GPC3: variants seen among roughly 807,000 people sequenced by gnomAD.
GPC3 encodes glypican 3.
A neutral mutation model predicts 34.4 loss-of-function variants in GPC3; 3 were observed. The observed-to-expected ratio is 0.09, with a 90% confidence interval of 0.04 to 0.23. The LOEUF is 0.23. Ranked by LOEUF, GPC3 falls within the 10% of genes least tolerant of loss-of-function variation. The pLI, the probability that GPC3 is intolerant of heterozygous loss-of-function variation, is 1.00. For missense variants in GPC3, 351 were observed against 445.6 expected (o/e 0.79, Z 1.91); for synonymous variants, 177 against 174.0 (o/e 1.02, Z -0.13).
intron 6 of GPC3, among the ~76,000 whole-genome samples, chrX:133,608,618 C>G (rs1406702962): frequency 8.9e-6 from 1 of 112,014 alleles, no homozygotes; most frequent in Non-Finnish European, 1.9e-5. Context: ...GTATGAACCA[C>G]AGCAGCCATG....
chrX:133,949,044 G>A (rs1322175488), intron 2 of GPC3, among the ~76,000 whole-genome samples: 1 of 111,921 alleles, frequency 8.9e-6, no homozygotes, highest in African/African-American at 3.2e-5. Flanking sequence ...AAGCAGGACT[G>A]CAATTTTTAT....
chrX:133,710,331 T>C (rs1276030921), intron 3 of GPC3, among the ~76,000 whole-genome samples: 1 of 111,991 alleles, frequency 8.9e-6, no homozygotes, highest in African/African-American at 3.2e-5. Flanking sequence ...AGACAAGTCA[T>C]TTACTTTCCT....
At chrX:133,857,641 T>C (rs2075910652) in intron 2 of GPC3, among the ~76,000 whole-genome samples, 1 of 111,497 alleles carries the variant, frequency 9.0e-6, no homozygotes, top group Non-Finnish European at 1.9e-5. Flanking sequence ...GTCTCAAAGG[T>C]CTGAATGATA....
chrX:133,901,627 G>T (rs1339456362), intron 2 of GPC3, among the ~76,000 whole-genome samples: 1 of 110,064 alleles, frequency 9.1e-6, no homozygotes, highest in Non-Finnish European at 1.9e-5. Flanking sequence ...TTTTAGTAGA[G>T]ATGGGGTTTC....
At chrX:133,744,457 A>G (rs754929201) in intron 3 of GPC3, among the ~76,000 whole-genome samples, 1 of 112,918 alleles carries the variant, frequency 8.9e-6, no homozygotes, top group East Asian at 2.8e-4. Context: ...CAAAACCACA[A>G]TGAGATACCA....
intron 7 of GPC3, among the ~76,000 whole-genome samples, chrX:133,578,632 T>C (rs1382301688): frequency 8.9e-6 from 1 of 112,133 alleles, no homozygotes; most frequent in Non-Finnish European, 1.9e-5. Flanking sequence ...TGAGCCGTGA[T>C]TGTGCCACTG....
chrX:133,707,849 G>C (rs895676677), intron 3 of GPC3, among the ~76,000 whole-genome samples: 9 of 110,701 alleles, frequency 8.1e-5, no homozygotes, highest in South Asian at 3.9e-4. Flanking sequence ...TACATAAAAT[G>C]CATCCCTAAA....
At chrX:133,733,980 C>A (rs1247903945) in intron 3 of GPC3, among the ~76,000 whole-genome samples, 3 of 111,867 alleles carry the variant, frequency 2.7e-5, no homozygotes, top group African/African-American at 9.7e-5. Context: ...CAGTTAATAC[C>A]AATCCTTCTG....
intron 2 of GPC3, among the ~76,000 whole-genome samples, chrX:133,794,638 A>G (rs1434916032): frequency 1.8e-5 from 2 of 111,558 alleles, no homozygotes; most frequent in Non-Finnish European, 3.8e-5. Context: ...GAGAAAGACC[A>G]AAAGTAACTA....
chrX:133,555,377 T>G (rs1303331699), intron 7 of GPC3, among the ~76,000 whole-genome samples: 1 of 112,876 alleles, frequency 8.9e-6, no homozygotes, highest in Non-Finnish European at 1.9e-5. Context: ...TCCACTCTTC[T>G]CATCTTACAA....
intron 2 of GPC3, among the ~76,000 whole-genome samples, chrX:133,834,662 C>G (rs1394795090): frequency 8.9e-6 from 1 of 111,813 alleles, no homozygotes; most frequent in Non-Finnish European, 1.9e-5. Context: ...ATCAGAAAGC[C>G]ACATATCAGG....
intron 2 of GPC3, among the ~76,000 whole-genome samples, chrX:133,773,813 T>C (rs1215766054): frequency 9.0e-6 from 1 of 111,580 alleles, no homozygotes; most frequent in Non-Finnish European, 1.9e-5. Context: ...TATATGAGTA[T>C]AGTGTTGTCT....
chrX:133,755,882 C>T (rs1266905758), intron 2 of GPC3, among the ~76,000 whole-genome samples: 1 of 112,061 alleles, frequency 8.9e-6, no homozygotes, highest in African/African-American at 3.2e-5. Context: ...TACAGAGGAC[C>T]AGTCAACAAA....
intron 2 of GPC3, among the ~76,000 whole-genome samples, chrX:133,811,005 T>A (rs1338770737): frequency 9.0e-6 from 1 of 111,410 alleles, no homozygotes; most frequent in African/African-American, 3.3e-5. Flanking sequence ...CACCTTAGCA[T>A]CCTAATCGTC....
chrX:133,571,863 C>T (rs751071053), intron 7 of GPC3, among the ~76,000 whole-genome samples: 2 of 112,244 alleles, frequency 1.8e-5, no homozygotes, highest in East Asian at 5.6e-4. Flanking sequence ...TAGTTCTGTT[C>T]TTAATCCTGA....
chrX:133,957,277 A>G (rs150408502), intron 1 of GPC3, among the ~76,000 whole-genome samples: 1,462 of 112,297 alleles, frequency 0.013, 16 homozygotes, highest in Middle Eastern at 0.028. Context: ...CCAAACCAGG[A>G]AGGAGAGAAA....
intron 1 of GPC3, among the ~76,000 whole-genome samples, chrX:133,982,306 C>T (rs763546961): frequency 1.4e-4 from 16 of 111,857 alleles, no homozygotes; most frequent in Non-Finnish European, 2.6e-4. Flanking sequence ...ATTTTTCTGC[C>T]AAATGCTAAC....
At chrX:133,623,857 T>G (rs1381337062) in intron 6 of GPC3, among the ~76,000 whole-genome samples, 2 of 111,950 alleles carry the variant, frequency 1.8e-5, no homozygotes, top group Non-Finnish European at 3.8e-5. Flanking sequence ...AGAATATACA[T>G]TCTTCTCAGC....
intron 5 of GPC3, among the ~76,000 whole-genome samples, chrX:133,669,248 A>G (rs2070802931): frequency 8.9e-6 from 1 of 112,226 alleles, no homozygotes; most frequent in East Asian, 2.8e-4. Context: ...CATACGAAAG[A>G]CTATTTGAAG....
Sources: gnomAD v4.1 joint callset for allele counts (sites outside exome capture counted in the v4.1 genomes callset) on GRCh38, gnomAD v4.1.1 for gene constraint, MANE v1.5 for transcripts, NCBI Gene and HGNC (gene_info 2026-07-23, HGNC 2026-07-21) for gene names.